The following TEAD4 variants were observed in gnomAD, a reference collection of about 807,000 sequenced individuals.
TEAD4 encodes the protein transcriptional enhancer factor TEF-3.
TEAD4 carries 36 observed loss-of-function variants against 52.4 expected under a neutral mutation model. The ratio of observed to expected loss-of-function variants is 0.69; its 90% CI spans 0.53 to 0.91. TEAD4 has a LOEUF of 0.91. Ranked by LOEUF, TEAD4 falls within the 40% of genes least tolerant of loss-of-function variation. The probability of loss-of-function intolerance (pLI) is 0.00; values close to 1 mark genes in which losing one functional copy is unlikely to be tolerated. For missense variants in TEAD4, 508 were observed against 583.9 expected, an observed-to-expected ratio of 0.87 and a Z score of 1.34; for synonymous variants, 220 against 231.0, an observed-to-expected ratio of 0.95 and a Z score of 0.43.
At chr12:3,008,871 T>A (rs74054822) in intron 3 of TEAD4, among the ~76,000 whole-genome samples, 8 of 152,300 alleles carry the variant, frequency 5.3e-5, no homozygotes, top group African/African-American at 1.9e-4. Context: ...GTATCCCAGA[T>A]GGTCTGCCAT....
chr12:3,001,538 G>A (rs1177536949), intron 3 of TEAD4, among the ~76,000 whole-genome samples: 3 of 151,934 alleles, frequency 2.0e-5, no homozygotes, highest in Non-Finnish European at 4.4e-5. Context: ...TTGGGAGGCC[G>A]AGGCGGGTGA....
chr12:2,982,479 C>G (rs1332126877), intron 2 of TEAD4, among the ~76,000 whole-genome samples: 1 of 152,232 alleles, frequency 6.6e-6, no homozygotes. Context: ...TCCAGCTCTC[C>G]CCTGGCAGGC....
intron 3 of TEAD4, among the ~76,000 whole-genome samples, chr12:3,001,888 C>A (rs1025634306): frequency 6.6e-6 from 1 of 151,452 alleles, no homozygotes; most frequent in African/African-American, 2.4e-5. Context: ...GTCAGGAGTT[C>A]GAGACCAGCC....
chr12:3,002,578 G>T (rs905467354), intron 3 of TEAD4, among the ~76,000 whole-genome samples: 1 of 152,180 alleles, frequency 6.6e-6, no homozygotes, highest in Non-Finnish European at 1.5e-5. Context: ...CGTGGTTTTT[G>T]ATTTGCATTT....
At chr12:2,966,738 G>C (rs190550945) in intron 2 of TEAD4, among the ~76,000 whole-genome samples, 1 of 148,746 alleles carries the variant, frequency 6.7e-6, no homozygotes, top group Non-Finnish European at 1.5e-5. Context: ...ATGGAGTCTC[G>C]CCCTATTGCC....
At chr12:2,990,704 G>A (rs2098242335) in intron 2 of TEAD4, among the ~76,000 whole-genome samples, 1 of 151,992 alleles carries the variant, frequency 6.6e-6, no homozygotes, top group African/African-American at 2.4e-5. Context: ...GACCTCAAGT[G>A]ATCCGTCTGT....
At chr12:3,019,043 C>G in intron 7 of TEAD4, 72 bp from the exon 8 acceptor site, 1 of 1,577,820 alleles carries the variant, frequency 6.3e-7, no homozygotes, top group Non-Finnish European at 8.7e-7. Context: ...ACACAGACCA[C>G]TGGACCCAGT....
intron 11 of TEAD4, among the ~76,000 whole-genome samples, chr12:3,038,705 C>T (rs373228998): frequency 3.3e-4 from 51 of 152,306 alleles, no homozygotes; most frequent in East Asian, 2.1e-3. Context: ...GGAGCATAAG[C>T]GCAGGTGAAT....
intron 2 of TEAD4, among the ~76,000 whole-genome samples, chr12:2,967,278 T>A (rs2098221247): frequency 6.6e-6 from 1 of 152,186 alleles, no homozygotes; most frequent in Admixed American, 6.5e-5. Context: ...AATCTATATA[T>A]TTTAACATAA....
chr12:3,019,564 C>T (rs2098267180), intron 8 of TEAD4, among the ~76,000 whole-genome samples: 3 of 152,198 alleles, frequency 2.0e-5, no homozygotes, highest in Non-Finnish European at 4.4e-5. Context: ...GAGCCCCTCC[C>T]GAGAAGAGGG....
intron 10 of TEAD4, among the ~76,000 whole-genome samples, chr12:3,029,901 GT>G (rs2153958076): frequency 6.6e-6 from 1 of 152,176 alleles, no homozygotes; most frequent in South Asian, 2.1e-4. Context: ...AAATATGTGT[GT>G]TTACTGGACT....
At chr12:2,997,363 A>G (rs1289958936) in intron 3 of TEAD4, among the ~76,000 whole-genome samples, 1 of 152,102 alleles carries the variant, frequency 6.6e-6, no homozygotes, top group Non-Finnish European at 1.5e-5. Context: ...GGGAAGCGTC[A>G]TGGGGGAGAC....
chr12:2,994,712 C>G lies in TEAD4; in HGVS notation c.-29-26C>G, dbSNP rs950960616. ...CCCACGCAGTTCTTCCACTGCTCAC[C>G]GGGGCTGTGGTTCCTGTCCCCACAG... On this transcript the variant is annotated intron_variant, in intron 2 of 12. Coordinates refer to ENST00000359864, the MANE Select transcript of TEAD4 (RefSeq NM_003213.4). This position sits in a 1 kb window ranked among gnomAD's most constrained non-coding sequence, Gnocchi z 4.7. 3.3e-6 allele frequency: 5 copies of G among 1,537,544 alleles called. No homozygotes were observed. In the African/African-American group the frequency reaches 5.5e-5, roughly 17 times the overall value.
chr12:2,984,558 G>A (rs548084046), intron 2 of TEAD4, among the ~76,000 whole-genome samples: 2 of 152,288 alleles, frequency 1.3e-5, no homozygotes, highest in African/African-American at 4.8e-5. Flanking sequence ...CCTGAGAAAT[G>A]TGTCTCTTGG....
intron 2 of TEAD4, among the ~76,000 whole-genome samples, chr12:2,991,032 T>G (rs2098242566): frequency 6.6e-6 from 1 of 151,880 alleles, no homozygotes; most frequent in Non-Finnish European, 1.5e-5. Flanking sequence ...ATACATAATC[T>G]CTACAGTAAA....
At chr12:2,980,597 G>A (rs144913980) in intron 2 of TEAD4, among the ~76,000 whole-genome samples, 1 of 152,204 alleles carries the variant, frequency 6.6e-6, no homozygotes, top group South Asian at 2.1e-4. Context: ...GCTGGGCATG[G>A]TGGTGCACGC....
chr12:2,975,356 CATTATTATTATT>C (rs58872768), intron 2 of TEAD4, among the ~76,000 whole-genome samples: 16,733 of 148,010 alleles, frequency 0.11, 1,099 homozygotes, highest in African/African-American at 0.17. Context: ...AATATCGGCA[CATTATTATTATT>C]ATTATTATTA....
rs2098232138 is a variant in TEAD4 at position 2,979,063 on chromosome 12, C to T, written c.-29-15675C>T. ...CCCGAGTAGCTGGGATTACAGGCAC[C>T]TGCCACCATGCCCGGCTAATTTTTG... is the stretch of plus-strand genomic sequence containing the variant. On this transcript the variant is annotated intron_variant, in intron 2 of 12. Transcript: ENST00000359864. Among the ~76,000 whole-genome samples, 5 of 151,924 alleles carry T rather than the reference C, an allele frequency of 3.3e-5. No homozygotes were observed. In the South Asian group the frequency reaches 1.0e-3, roughly 32 times the overall value.
intron 10 of TEAD4, among the ~76,000 whole-genome samples, chr12:3,029,937 GT>G (rs1406559434): frequency 6.6e-6 from 1 of 151,926 alleles, no homozygotes; most frequent in Admixed American, 6.6e-5. Flanking sequence ...AGGTGATTTA[GT>G]TTCTCCAGAG....
Sources: allele counts gnomAD v4.1 joint callset (sites outside exome capture counted in the v4.1 genomes callset), GRCh38; gene constraint gnomAD v4.1.1; non-coding constraint Gnocchi (gnomAD v3.1); transcripts MANE v1.5; gene names NCBI Gene and HGNC (gene_info 2026-07-23, HGNC 2026-07-21).